PCDH15: variants seen among roughly 807,000 people sequenced by gnomAD.
The protein encoded by PCDH15 is protocadherin related 15, also known as protocadherin-15.
PCDH15 carries 129 observed loss-of-function variants against 178.5 expected under a neutral mutation model. That is an observed-to-expected ratio of 0.72 (90% CI 0.63 to 0.84). PCDH15 has a LOEUF of 0.84. Ranked by LOEUF, PCDH15 falls within the 40% of genes least tolerant of loss-of-function variation. The pLI, the probability that PCDH15 is intolerant of heterozygous loss-of-function variation, is 0.00. For missense variants in PCDH15, 2,230 were observed against 2,099.9 expected (o/e 1.06, Z -1.21); for synonymous variants, 800 against 732.0 (o/e 1.09, Z -1.50).
In PCDH15 at chr10:53,806,719, T is replaced by C; in HGVS notation, c.5083A>G (p.Thr1695Ala). ...VKPLRNRLKS[T>A]VEQESMIDSK... is the part of the protein sequence containing the mutation. ...TCAATCATGGACTCCTGTTCAACTG[T>C]GCTTTTCAGCCTGTTCCTTAGTGGC... The change falls in exon 38 of 38, where the codon ACA becomes GCA. Residue 1695 changes from threonine (T) to alanine (A), a missense_variant. Physicochemically the swap from Thr to Ala is moderately conservative, Grantham distance 58. Transcript: ENST00000644397. 6.2e-7 allele frequency: 1 copy of C among 1,613,920 alleles called. No homozygotes were observed. The highest frequency in any genetic ancestry group is 8.5e-7 in the Non-Finnish European group (1 of 1,179,822).
intron 1 of PCDH15, among the ~76,000 whole-genome samples, chr10:55,241,119 G>C (rs1240291749): frequency 2.6e-5 from 4 of 152,144 alleles, no homozygotes; most frequent in Non-Finnish European, 5.9e-5. Flanking sequence ...AGGAGGCTGA[G>C]ACAGGAGAAT....
chr10:55,330,795 C>A (rs1471732767), intron 2 of PCDH15, among the ~76,000 whole-genome samples: 4 of 150,704 alleles, frequency 2.7e-5, no homozygotes. Context: ...ATAAGTGAAC[C>A]TGGTGATTTC....
At chr10:54,033,754 T>C (rs1330881862) in intron 18 of PCDH15, among the ~76,000 whole-genome samples, 1 of 152,042 alleles carries the variant, frequency 6.6e-6, no homozygotes, top group African/African-American at 2.4e-5. Context: ...TATTGTGGTT[T>C]GTTTTCTGAA....
chr10:55,411,370 C>T (rs2132035228), intron 2 of PCDH15, among the ~76,000 whole-genome samples: 1 of 152,084 alleles, frequency 6.6e-6, no homozygotes, highest in East Asian at 1.9e-4. Context: ...CTAAAATTAA[C>T]AAATATTATT....
chr10:54,294,013 G>A (rs957714466), intron 8 of PCDH15, among the ~76,000 whole-genome samples: 4 of 152,094 alleles, frequency 2.6e-5, no homozygotes, highest in African/African-American at 9.7e-5. Context: ...AAAGACACAT[G>A]CACACGTATG....
At chr10:55,176,952 G>A (rs566421853) in intron 1 of PCDH15, among the ~76,000 whole-genome samples, 2 of 152,212 alleles carry the variant, frequency 1.3e-5, no homozygotes, top group South Asian at 4.2e-4. Context: ...ACAATTTAAA[G>A]TTTTATAATA....
rs2042569194 is a variant in PCDH15 at position 54,132,960 on chromosome 10, T to C, written c.1832A>G (p.Gln611Arg). 1 of 1,614,106 alleles carries C rather than the reference T, an allele frequency of 6.2e-7. No individual in the cohort carries two copies. The highest frequency in any genetic ancestry group is 8.5e-7 in the Non-Finnish European group (1 of 1,179,978). ...CAGCTGTGGGAAGCGAGGAGGGCTT[T>C]GATTATTTGGTGGAAGCACTTCAAT... is the stretch of plus-strand genomic sequence containing the variant. ...VYIEVLPPNN[Q>R]SPPRFPQLMY... Residue 611 changes from glutamine to arginine, a missense_variant, in exon 15 of 38, where the codon CAA becomes CGA. Gln to Arg is a conservative substitution (Grantham distance 43). Transcript: ENST00000644397.
chr10:53,892,024 T>G (rs924779451), intron 26 of PCDH15, among the ~76,000 whole-genome samples: 4 of 142,388 alleles, frequency 2.8e-5, no homozygotes, highest in Non-Finnish European at 6.1e-5. Flanking sequence ...ATCTATGTTT[T>G]TTTTTTTTTT....
At chr10:55,213,030 A>C (rs1242756061) in intron 1 of PCDH15, among the ~76,000 whole-genome samples, 1 of 152,108 alleles carries the variant, frequency 6.6e-6, no homozygotes, top group Non-Finnish European at 1.5e-5. Context: ...ATTCTTCCTA[A>C]TTCCTTCTGT....
intron 2 of PCDH15, among the ~76,000 whole-genome samples, chr10:55,535,166 A>G (rs1489266660): frequency 6.6e-6 from 1 of 152,136 alleles, no homozygotes; most frequent in Non-Finnish European, 1.5e-5. Flanking sequence ...TCCTGTATCT[A>G]AAGTAGAAGT....
intron 2 of PCDH15, among the ~76,000 whole-genome samples, chr10:55,151,733 T>C (rs1838720516): frequency 1.3e-5 from 2 of 152,090 alleles, no homozygotes; most frequent in Admixed American, 6.6e-5. Flanking sequence ...TTAAATAAAA[T>C]ATAACTGACT....
At chr10:54,818,477 A>G (rs1952982958) in intron 3 of PCDH15, among the ~76,000 whole-genome samples, 1 of 152,038 alleles carries the variant, frequency 6.6e-6, no homozygotes, top group African/African-American at 2.4e-5. Context: ...TTCTGAATCC[A>G]GAGGAAGTGA....
chr10:54,754,480 C>T (rs746813874), intron 1 of PCDH15, among the ~76,000 whole-genome samples: 5 of 152,020 alleles, frequency 3.3e-5, no homozygotes, highest in Admixed American at 6.5e-5. Context: ...TAAGAAAATA[C>T]ACCATTAATA....
chr10:55,035,538 C>A (rs1840713865), intron 2 of PCDH15, among the ~76,000 whole-genome samples: 1 of 152,156 alleles, frequency 6.6e-6, no homozygotes, highest in South Asian at 2.1e-4. Flanking sequence ...CTATACCATG[C>A]ATCACAGCGT....
intron 3 of PCDH15, among the ~76,000 whole-genome samples, chr10:54,428,631 G>A (rs1956584138): frequency 6.6e-6 from 1 of 152,048 alleles, no homozygotes; most frequent in Admixed American, 6.5e-5. Flanking sequence ...CGGGCATTGA[G>A]GCATTCGATA....
intron 28 of PCDH15, among the ~76,000 whole-genome samples, chr10:53,850,641 T>C (rs73238455): frequency 0.028 from 4,281 of 152,244 alleles, 196 homozygotes; most frequent in African/African-American, 0.097. Flanking sequence ...GTTTGTATTT[T>C]ATTTTTATGA....
intron 3 of PCDH15, among the ~76,000 whole-genome samples, chr10:54,853,310 T>TACATACACATATACAC (rs1453779024): frequency 1.0e-5 from 1 of 99,164 alleles, no homozygotes; most frequent in African/African-American, 4.5e-5. Flanking sequence ...TATATATATA[T>TACATACACATATACAC]ATATATATAC....
chr10:54,450,547 T>C (rs1184561457), intron 3 of PCDH15, among the ~76,000 whole-genome samples: 1 of 151,864 alleles, frequency 6.6e-6, no homozygotes, highest in East Asian at 1.9e-4. Context: ...GGCTGGTCTA[T>C]GGCTTCCTTA....
chr10:55,178,148 A>G (rs2132131060), intron 1 of PCDH15, among the ~76,000 whole-genome samples: 1 of 152,288 alleles, frequency 6.6e-6, no homozygotes, highest in Middle Eastern at 3.4e-3. Context: ...GGAAATTAAC[A>G]GACTATTATT....
Sources: allele counts gnomAD v4.1 joint callset (sites outside exome capture counted in the v4.1 genomes callset), GRCh38; gene constraint gnomAD v4.1.1; transcripts MANE v1.5; gene names NCBI Gene and HGNC (gene_info 2026-07-23, HGNC 2026-07-21).